The following TENM1 variants were observed in gnomAD, a reference collection of about 807,000 sequenced individuals.
TENM1 encodes teneurin-1.
TENM1 carries 35 observed loss-of-function variants against 174.8 expected under a neutral mutation model. The observed-to-expected ratio is 0.20, with a 90% confidence interval of 0.15 to 0.27. TENM1 has a LOEUF of 0.27. TENM1 is among the 10% of genes least tolerant of loss of function. The probability of loss-of-function intolerance (pLI) is 1.00; values close to 1 mark genes in which losing one functional copy is unlikely to be tolerated. For synonymous variants in TENM1, 781 were observed against 798.7 expected, an observed-to-expected ratio of 0.98 and a Z score of 0.37; for missense variants, 1,633 against 2,130.1, an observed-to-expected ratio of 0.77 and a Z score of 4.59.
the TENM1 span, among the ~76,000 whole-genome samples, chrX:125,049,190 A>C: frequency 2.7e-5 from 3 of 111,548 alleles, no homozygotes; most frequent in Non-Finnish European, 5.7e-5. Flanking sequence ...ACTAATTCCA[A>C]AACATTCCCA....
chrX:124,541,429 CCTT>C (rs1157810875), intron 15 of TENM1, among the ~76,000 whole-genome samples: 1 of 111,634 alleles, frequency 9.0e-6, no homozygotes, highest in African/African-American at 3.3e-5. Flanking sequence ...TTTGTCACCT[CCTT>C]CTCTCTTTCT....
the TENM1 span, among the ~76,000 whole-genome samples, chrX:125,081,943 A>G: frequency 1.8e-5 from 2 of 110,855 alleles, no homozygotes; most frequent in African/African-American, 6.5e-5. Context: ...AACAATGTGT[A>G]GATATGGAAA....
At chrX:125,118,071 A>T in the TENM1 span, among the ~76,000 whole-genome samples, 119 of 111,872 alleles carry the variant, frequency 1.1e-3, no homozygotes, top group African/African-American at 3.7e-3. Context: ...GTTTTTTTGC[A>T]GCAACATGGA....
intron 23 of TENM1, among the ~76,000 whole-genome samples, chrX:124,442,434 G>T (rs1051681486): frequency 8.9e-6 from 1 of 112,018 alleles, no homozygotes; most frequent in Middle Eastern, 4.2e-3. Context: ...TCATTTGAAA[G>T]ATCTAATTCT....
At chrX:124,383,886 A>G in exon 30 of TENM1, 1 of 1,211,592 alleles carries the variant, frequency 8.3e-7, no homozygotes, top group Non-Finnish European at 1.1e-6. Flanking sequence ...ATATCGCCAT[A>G]AGGTGTGTAT....
chrX:124,951,670 AT>A (rs1569487548), intron 1 of TENM1, among the ~76,000 whole-genome samples: 1,152 of 66,537 alleles, frequency 0.017, 21 homozygotes, highest in African/African-American at 0.03. Context: ...ATATATATAT[AT>A]ATAACAATCA....
exon 17 of TENM1, chrX:124,523,475 T>C: frequency 2.5e-6 from 3 of 1,211,276 alleles, no homozygotes; most frequent in Non-Finnish European, 3.4e-6. Context: ...TATCGCAGGA[T>C]GGCGGGTCTG....
chrX:124,934,138 A>G (rs1288958810), intron 1 of TENM1, among the ~76,000 whole-genome samples: 1 of 112,175 alleles, frequency 8.9e-6, no homozygotes, highest in African/African-American at 3.2e-5. Flanking sequence ...GTTTAACAAT[A>G]TAATGTATTG....
chrX:125,117,010 C>CAAAA, the TENM1 span, among the ~76,000 whole-genome samples: 1 of 47,290 alleles, frequency 2.1e-5, no homozygotes. Context: ...GACTCTGTCT[C>CAAAA]AAAAAAAAAA....
chrX:124,907,361 G>A (rs976702210), intron 1 of TENM1, among the ~76,000 whole-genome samples: 6 of 112,202 alleles, frequency 5.3e-5, no homozygotes, highest in African/African-American at 1.9e-4. Flanking sequence ...ACAGACTAAT[G>A]CAAACATGAC....
At chrX:124,403,794 A>C (rs1299071345) in intron 27 of TENM1, among the ~76,000 whole-genome samples, 1 of 111,234 alleles carries the variant, frequency 9.0e-6, no homozygotes, top group African/African-American at 3.3e-5. Flanking sequence ...CTCCACCCTG[A>C]CTCATTCCGA....
At chrX:124,918,201 T>C (rs2057958282) in intron 1 of TENM1, among the ~76,000 whole-genome samples, 1 of 108,335 alleles carries the variant, frequency 9.2e-6, no homozygotes, top group Non-Finnish European at 1.9e-5. Flanking sequence ...TTTTTTTGAG[T>C]TGGTGTCTGG....
At chrX:124,389,424 CCT>C (rs2060259071) in intron 28 of TENM1, among the ~76,000 whole-genome samples, 1 of 111,899 alleles carries the variant, frequency 8.9e-6, no homozygotes, top group African/African-American at 3.3e-5. Context: ...CTGCTCTGCC[CCT>C]GTCATAGTGG....
At chrX:125,146,968 A>G in the TENM1 span, among the ~76,000 whole-genome samples, 1 of 110,993 alleles carries the variant, frequency 9.0e-6, no homozygotes, top group Non-Finnish European at 1.9e-5. Flanking sequence ...TTTTCTCAAA[A>G]TAGTTGAAAG....
chrX:124,535,497 C>G (rs958173794), intron 15 of TENM1, among the ~76,000 whole-genome samples: 1 of 111,673 alleles, frequency 9.0e-6, no homozygotes, highest in Non-Finnish European at 1.9e-5. Context: ...GGCTGTACTA[C>G]AAGATGAACT....
chrX:124,863,595 T>C (rs1354094872), intron 3 of TENM1, among the ~76,000 whole-genome samples: 2 of 112,003 alleles, frequency 1.8e-5, no homozygotes, highest in Admixed American at 9.4e-5. Context: ...CCAGCTCAGC[T>C]ACAATACAAT....
chrX:124,690,857 C>T (rs777876564), intron 5 of TENM1, among the ~76,000 whole-genome samples: 3 of 110,720 alleles, frequency 2.7e-5, no homozygotes, highest in South Asian at 7.8e-4. Context: ...AGATCCTGTG[C>T]TATGCTTCTT....
rs781386420 is a variant in TENM1 at position 124,646,916 on chromosome X, C to T, written c.1580-106G>A. ...ACTCTGGACCTATGACAATTTTGCCCTTTGCTGTTTGTGGAGCACTTACTG... is the reference window on the plus strand; with the variant it reads ...ACTCTGGACCTATGACAATTTTGCCTTTTGCTGTTTGTGGAGCACTTACTG... On this transcript the variant is annotated intron_variant, in intron 8 of 31. Coordinates refer to ENST00000422452, the Ensembl canonical transcript of TENM1. 7 of 541,755 alleles carry T rather than the reference C, an allele frequency of 1.3e-5. No individual in the cohort carries two copies. In the African/African-American group the frequency reaches 1.4e-4, roughly 11 times the overall value. 44.6% of individuals were successfully genotyped at this position (541,755 alleles called of 1,213,427 possible). A position where few individuals can be genotyped will look rare whatever the true frequency, so the allele number is the denominator to read the frequency against.
chrX:124,691,848 C>A (rs1404223336), intron 5 of TENM1, among the ~76,000 whole-genome samples: 4 of 110,137 alleles, frequency 3.6e-5, no homozygotes, highest in Non-Finnish European at 7.6e-5. Context: ...GAATTTTCAT[C>A]TTATACAAGG....
Sources: allele counts gnomAD v4.1 joint callset (sites outside exome capture counted in the v4.1 genomes callset), GRCh38; gene constraint gnomAD v4.1.1; transcripts MANE v1.5; gene names NCBI Gene and HGNC (gene_info 2026-07-23, HGNC 2026-07-21).